Variants in FAF1 observed in about 807,000 individuals in gnomAD.
FAF1 encodes the protein FAS-associated factor 1.
Under a neutral mutation model 92.5 loss-of-function variants are expected in FAF1, and 25 were observed. The ratio of observed to expected loss-of-function variants is 0.27; its 90% confidence interval spans 0.20 to 0.38. The LOEUF is 0.38. Ranked by LOEUF, FAF1 falls within the 10% of genes least tolerant of loss-of-function variation. FAF1 has a pLI of 1.00. For synonymous variants in FAF1, 234 were observed against 273.2 expected, an observed-to-expected ratio of 0.86 and a Z score of 1.42; for missense variants, 636 against 793.3, an observed-to-expected ratio of 0.80 and a Z score of 2.38.
intron 8 of FAF1, among the ~76,000 whole-genome samples, chr1:50,620,866 T>A (rs1653162977): frequency 6.6e-6 from 1 of 152,234 alleles, no homozygotes; most frequent in Non-Finnish European, 1.5e-5. Flanking sequence ...AGGAGATGGC[T>A]CCCTCACCAG....
At chr1:50,775,342 T>A (rs1319885747) in intron 4 of FAF1, among the ~76,000 whole-genome samples, 2 of 152,134 alleles carry the variant, frequency 1.3e-5, no homozygotes, top group Non-Finnish European at 2.9e-5. Context: ...AGACCTGCTC[T>A]CTAAGTGTGA....
chr1:50,959,726 C>G, intron 1 of FAF1, 41 bp downstream of exon 1: 1 of 1,569,602 alleles, frequency 6.4e-7, no homozygotes. Flanking sequence ...CGGAAACCCA[C>G]GAGGTTGGAA....
chr1:50,598,674 G>A (rs1034003759), intron 8 of FAF1, among the ~76,000 whole-genome samples: 1 of 151,946 alleles, frequency 6.6e-6, no homozygotes, highest in Admixed American at 6.6e-5. Flanking sequence ...ACTGTGCTGG[G>A]CGCAATGGCT....
chr1:50,781,013 C>T (rs771802907), intron 4 of FAF1: 10 of 470,934 alleles, frequency 2.1e-5, no homozygotes, highest in Non-Finnish European at 4.3e-5. Flanking sequence ...ATTGCCAACT[C>T]ACTGGCCACT....
chr1:50,792,067 A>T (rs1447588920), intron 3 of FAF1, among the ~76,000 whole-genome samples: 2 of 152,198 alleles, frequency 1.3e-5, no homozygotes, highest in African/African-American at 4.8e-5. Flanking sequence ...CTATTGAAAC[A>T]AGTGTCTAAG....
intron 8 of FAF1, among the ~76,000 whole-genome samples, chr1:50,631,681 GA>G (rs1653796681): frequency 6.6e-6 from 1 of 152,140 alleles, no homozygotes; most frequent in African/African-American, 2.4e-5. Flanking sequence ...GCATTTGAAG[GA>G]AAAAGAAACA....
Position 50,704,019 on chromosome 1 carries a change from A to C in FAF1, c.657+1767T>G, listed in dbSNP as rs537845773. 2.6e-5 allele frequency among the ~76,000 whole-genome samples: 4 copies of C among 152,304 alleles called. No individual in the cohort carries two copies. In the East Asian group the frequency reaches 5.8e-4, roughly 22 times the overall value. On this transcript the variant is annotated intron_variant, in intron 7 of 18. Coordinates refer to ENST00000396153, the MANE Select transcript of FAF1 (RefSeq NM_007051.3). The stretch of plus-strand genomic sequence containing the variant: ...AAATAAATATATGCCACTACTTTAT[A>C]ATCACCGAACATTAATGAATATTTT...
intron 13 of FAF1, among the ~76,000 whole-genome samples, chr1:50,565,371 A>G (rs1184243026): frequency 6.6e-6 from 1 of 152,096 alleles, no homozygotes; most frequent in African/African-American, 2.4e-5. Context: ...AGATTGAAAT[A>G]TCCTATCATA....
At chr1:50,861,972 C>T (rs756450080) in intron 1 of FAF1, among the ~76,000 whole-genome samples, 1 of 151,622 alleles carries the variant, frequency 6.6e-6, no homozygotes, top group Non-Finnish European at 1.5e-5. Context: ...TTTGTTGAAG[C>T]CAACCAGACT....
intron 1 of FAF1, among the ~76,000 whole-genome samples, chr1:50,943,337 A>G (rs906685185): frequency 6.6e-6 from 1 of 152,240 alleles, no homozygotes; most frequent in Admixed American, 6.5e-5. Context: ...ATGAAATCCC[A>G]TAAGCCATCA....
chr1:50,869,871 A>G (rs1195611725), intron 1 of FAF1, among the ~76,000 whole-genome samples: 1 of 152,140 alleles, frequency 6.6e-6, no homozygotes, highest in East Asian at 1.9e-4. Context: ...CCAGTTCTCA[A>G]GTTGTTAGTT....
chr1:50,901,941 G>T (rs1644800305), intron 1 of FAF1, among the ~76,000 whole-genome samples: 1 of 152,168 alleles, frequency 6.6e-6, no homozygotes, highest in African/African-American at 2.4e-5. Flanking sequence ...AGATCTTTTA[G>T]AACAGCTCTT....
intron 6 of FAF1, among the ~76,000 whole-genome samples, chr1:50,716,337 A>G (rs572178953): frequency 6.6e-6 from 1 of 152,308 alleles, no homozygotes; most frequent in Non-Finnish European, 1.5e-5. Context: ...AAACTAACCC[A>G]TAGCCCACCT....
intron 4 of FAF1, among the ~76,000 whole-genome samples, chr1:50,786,619 A>G (rs1190388771): frequency 6.6e-6 from 1 of 152,228 alleles, no homozygotes; most frequent in African/African-American, 2.4e-5. Context: ...AATCTACAGG[A>G]GAATATTTGG....
intron 13 of FAF1, among the ~76,000 whole-genome samples, chr1:50,554,387 A>G (rs1200205283): frequency 1.9e-5 from 2 of 106,912 alleles, no homozygotes; most frequent in Non-Finnish European, 3.9e-5. Context: ...ATATATATAT[A>G]TATAGAGAGA....
intron 12 of FAF1, among the ~76,000 whole-genome samples, chr1:50,581,151 C>G (rs1485612132): frequency 6.6e-6 from 1 of 152,098 alleles, no homozygotes; most frequent in Non-Finnish European, 1.5e-5. Context: ...TAAAAACAGC[C>G]ATTTTTATAT....
In FAF1 at chr1:50,682,890, G is replaced by A. The variant is rs569307353; in HGVS notation, c.657+22896C>T. On this transcript the variant is annotated intron_variant, in intron 7 of 18. Transcript: ENST00000396153. ...GGGCGGATCATGAGGTCAGGTGATC[G>A]AGACCATACTGGCCAAATGGTGAAA... Among the ~76,000 whole-genome samples the A allele has an allele frequency of 4.6e-5, 7 of 151,328 alleles. No homozygotes were observed. The South Asian group carries it at 1.3e-3, about 27-fold the overall frequency.
At chr1:50,514,350 T>G (rs1647179318) in intron 15 of FAF1, among the ~76,000 whole-genome samples, 2 of 152,348 alleles carry the variant, frequency 1.3e-5, no homozygotes, top group Middle Eastern at 3.4e-3. Flanking sequence ...ATCTGCATTA[T>G]AAGTTCATAT....
intron 2 of FAF1, among the ~76,000 whole-genome samples, chr1:50,825,697 T>G (rs574835057): frequency 6.6e-6 from 1 of 152,044 alleles, no homozygotes. Context: ...GATAACTGGA[T>G]CTAACAAATC....
Sources: allele counts gnomAD v4.1 joint callset (sites outside exome capture counted in the v4.1 genomes callset), GRCh38; gene constraint gnomAD v4.1.1; transcripts MANE v1.5; gene names NCBI Gene and HGNC (gene_info 2026-07-23, HGNC 2026-07-21).